Variants in BAIAP2 observed in about 807,000 individuals in gnomAD.
BAIAP2 encodes the protein BAR/IMD domain containing adaptor protein 2.
A neutral mutation model predicts 63.0 loss-of-function variants in BAIAP2; 18 were observed. The observed-to-expected ratio is 0.29, with a 90% CI of 0.20 to 0.42. BAIAP2 has a LOEUF of 0.42. Ranked by LOEUF, BAIAP2 falls within the 10% of genes least tolerant of loss-of-function variation. BAIAP2 has a pLI of 1.00. For missense variants in BAIAP2, 610 were observed against 734.3 expected (o/e 0.83, Z 1.96); for synonymous variants, 386 against 307.6 (o/e 1.25, Z -2.67).
chr17:81,082,433 G>A (rs1019328147), intron 3 of BAIAP2, among the ~76,000 whole-genome samples: 1 of 152,162 alleles, frequency 6.6e-6, no homozygotes, highest in Non-Finnish European at 1.5e-5. Flanking sequence ...GTGAGCAACT[G>A]TGTGCCAGGC....
Position 81,046,791 on chromosome 17 carries a change from C to T in BAIAP2, c.55-6877C>T, listed in dbSNP as rs1223009114. On this transcript the variant is annotated intron_variant, in intron 1 of 13. Transcript: ENST00000428708. The surrounding 1 kb of genome is among the most constrained non-coding windows in gnomAD (Gnocchi z 4.5). ...GCTTGGCTCTGTCCCGTGCGCCCTT[C>T]CCTGGAGCCTGGCATCCTAGGCAGA... Among the ~76,000 whole-genome samples the T allele has an allele frequency of 3.3e-5, 5 of 152,206 alleles. No homozygotes were observed. Among genetic ancestry groups the T allele is most frequent in the Non-Finnish European group, 5.9e-5 (4 of 68,034 alleles).
chr17:81,111,657 C>T (rs536874138), intron 13 of BAIAP2, among the ~76,000 whole-genome samples: 12 of 152,344 alleles, frequency 7.9e-5, no homozygotes, highest in South Asian at 2.1e-4. Flanking sequence ...CTCTGGAGTC[C>T]GGGTCTGAGT....
At chr17:81,064,635 C>T (rs901886149) in intron 3 of BAIAP2, among the ~76,000 whole-genome samples, 2 of 152,140 alleles carry the variant, frequency 1.3e-5, no homozygotes, top group South Asian at 4.1e-4. Flanking sequence ...CTGGGGCTGC[C>T]CCTTTGTTCT....
chr17:81,072,881 G>C (rs541230881), intron 3 of BAIAP2, among the ~76,000 whole-genome samples: 1 of 152,020 alleles, frequency 6.6e-6, no homozygotes, highest in Admixed American at 6.5e-5. Flanking sequence ...TGGGCCTCAC[G>C]GACCTCATTG....
intron 3 of BAIAP2, among the ~76,000 whole-genome samples, chr17:81,058,874 G>A (rs1007485475): frequency 3.3e-5 from 5 of 152,162 alleles, no homozygotes; most frequent in African/African-American, 1.2e-4. Context: ...GGGACTGAAA[G>A]CCCCCTTGAC....
rs541406095 is a variant in BAIAP2, at chr17:81,096,702, G to A, written c.490-3226G>A. ...GCAGCCAGGCTGAGGCTGGAGCACA[G>A]CGGGCTCAGGTGTCCTCCTCCATGG... is the stretch of plus-strand genomic sequence containing the variant. On this transcript the variant is annotated intron_variant, in intron 6 of 13. Coordinates refer to ENST00000428708, the MANE Select transcript of BAIAP2 (RefSeq NM_001144888.2). Among the ~76,000 whole-genome samples, 7 of 152,368 alleles carry A rather than the reference G, an allele frequency of 4.6e-5. No homozygotes were observed. The South Asian group carries it at 1.4e-3, about 32-fold the overall frequency.
chr17:81,066,444 G>A (rs1033937355), intron 3 of BAIAP2, among the ~76,000 whole-genome samples: 2 of 152,228 alleles, frequency 1.3e-5, no homozygotes, highest in African/African-American at 4.8e-5. Context: ...TGCAGTGCAC[G>A]CCTCGTTGTC....
rs536946837 is a variant in BAIAP2 at position 81,090,470 on chromosome 17, T to G, written c.489+3890T>G. Among the ~76,000 whole-genome samples the G allele has an allele frequency of 2.6e-5, 4 of 152,356 alleles. No individual in the cohort carries two copies. The South Asian group carries it at 6.2e-4, about 24-fold the overall frequency. On this transcript the variant is annotated intron_variant, in intron 6 of 13. Transcript: ENST00000428708. ...GTGGTTTTTCCCAAGTCACCGAGTTTCTTCAGGAAGGGCTAGGTCTCATTT... is the reference window on the plus strand; with the variant it reads ...GTGGTTTTTCCCAAGTCACCGAGTTGCTTCAGGAAGGGCTAGGTCTCATTT...
At position 81,109,503 on chromosome 17, in the gene BAIAP2, G is replaced by A. The variant is rs556322156; in HGVS notation, c.1535+994G>A. ...ATCTCGCATCCGACTTCCCCGGTGC[G>A]ATGGCCTCTGTCCGGACAGGGAAGG... On this transcript the variant is annotated intron_variant, in intron 13 of 13. Transcript: ENST00000428708. 21 of 985,530 alleles carry A rather than the reference G, an allele frequency of 2.1e-5. No individual in the cohort carries two copies. In the South Asian group the frequency reaches 2.3e-4, roughly 11 times the overall value. 61.0% of individuals were successfully genotyped at this position (985,530 alleles called of 1,614,324 possible).
At chr17:81,112,848 C>T (rs906893641) in intron 13 of BAIAP2, among the ~76,000 whole-genome samples, 1 of 151,772 alleles carries the variant, frequency 6.6e-6, no homozygotes, top group Admixed American at 6.6e-5. Context: ...CCCAGGGGTT[C>T]GAGATCAGCC....
At chr17:81,047,631 C>T (rs1490242179) in intron 1 of BAIAP2, among the ~76,000 whole-genome samples, 21 of 66,666 alleles carry the variant, frequency 3.2e-4, no homozygotes, top group African/African-American at 1.1e-3. Flanking sequence ...TGAGTGTACA[C>T]GCACAGGTAA....
intron 6 of BAIAP2, among the ~76,000 whole-genome samples, chr17:81,091,098 T>C (rs1032749713): frequency 3.9e-5 from 5 of 128,010 alleles, no homozygotes; most frequent in Admixed American, 3.7e-4. Flanking sequence ...ACTTGTGTGG[T>C]GCAGGAGGCC....
chr17:81,101,293 A>G (rs2058451089), intron 7 of BAIAP2, among the ~76,000 whole-genome samples: 1 of 152,022 alleles, frequency 6.6e-6, no homozygotes, highest in East Asian at 1.9e-4. Context: ...CCCTCCATGG[A>G]TATCCTGAGC....
intron 10 of BAIAP2, 96 bp from the exon 11 acceptor site, chr17:81,105,982 C>A: frequency 9.1e-7 from 1 of 1,095,570 alleles, no homozygotes; most frequent in Non-Finnish European, 1.3e-6. Context: ...CGCAGCCATG[C>A]TGGGGAGCTA....
intron 3 of BAIAP2, chr17:81,083,203 G>C (rs1184390331): frequency 6.6e-6 from 1 of 152,414 alleles, no homozygotes; most frequent in Non-Finnish European, 1.5e-5. Context: ...GGCTGAACTT[G>C]TTGGGCACTG....
chr17:81,050,152 C>T (rs2048431693), intron 1 of BAIAP2, among the ~76,000 whole-genome samples: 1 of 152,172 alleles, frequency 6.6e-6, no homozygotes, highest in African/African-American at 2.4e-5. Flanking sequence ...CTCTGCTGGC[C>T]CAGCGGCTGG....
rs765789606 is a variant in BAIAP2 at position 81,057,974 on chromosome 17, C to G, written c.217+7C>G. On this transcript the variant is annotated splice_region_variant and intron_variant, in intron 3 of 13. Coordinates refer to ENST00000428708, the MANE Select transcript of BAIAP2 (RefSeq NM_001144888.2). ...CAGGGCTCCAAAGAACTCGGTGAGA[C>G]CCCCCCCCCCCCCCCGCCTGGTAGT... The G allele has an allele frequency of 1.1e-3, 62 of 56,578 alleles. No individual in the cohort carries two copies. The highest frequency in any genetic ancestry group is 9.4e-3 in the East Asian group (5 of 532). 3.5% of individuals were successfully genotyped at this position (56,578 alleles called of 1,614,324 possible).
chr17:81,085,572 A>G, intron 4 of BAIAP2, 82 bp from the exon 5 acceptor site: 1 of 1,221,828 alleles, frequency 8.2e-7, no homozygotes, highest in East Asian at 2.3e-5. Flanking sequence ...TCTCGTGCCC[A>G]TCCGCTCTAG....
chr17:81,088,236 AG>A (rs2056064735), intron 6 of BAIAP2, among the ~76,000 whole-genome samples: 1 of 152,096 alleles, frequency 6.6e-6, no homozygotes, highest in Non-Finnish European at 1.5e-5. Context: ...GCTTGTCTTA[AG>A]GGGGACTTTC....
Sources: allele counts gnomAD v4.1 joint callset (sites outside exome capture counted in the v4.1 genomes callset), GRCh38; gene constraint gnomAD v4.1.1; non-coding constraint Gnocchi (gnomAD v3.1); transcripts MANE v1.5; gene names NCBI Gene and HGNC (gene_info 2026-07-23, HGNC 2026-07-21).